DPF3: variants seen among roughly 807,000 people sequenced by gnomAD.
The protein encoded by DPF3 is zinc finger protein DPF3.
DPF3 carries 18 observed loss-of-function variants against 56.8 expected under a neutral mutation model. That is an observed-to-expected ratio of 0.32 (90% CI 0.22 to 0.47). DPF3 has a LOEUF of 0.47. Ranked by LOEUF, DPF3 falls within the 20% of genes least tolerant of loss-of-function variation. The probability of loss-of-function intolerance (pLI) is 1.00; values close to 1 mark genes in which losing one functional copy is unlikely to be tolerated. For synonymous variants in DPF3, 188 were observed against 180.2 expected (o/e 1.04, Z -0.35); for missense variants, 403 against 488.8 (o/e 0.82, Z 1.65).
chr14:72,779,852 C>T (rs1219451884), intron 1 of DPF3, among the ~76,000 whole-genome samples: 2 of 152,208 alleles, frequency 1.3e-5, no homozygotes, highest in African/African-American at 2.4e-5. Context: ...TTGAGGCTGT[C>T]GGGGACCCAC....
At chr14:72,623,514 T>C (rs539387766) in intron 9 of DPF3, among the ~76,000 whole-genome samples, 1 of 152,312 alleles carries the variant, frequency 6.6e-6, no homozygotes, top group South Asian at 2.1e-4. Context: ...TGTTCAGCAA[T>C]TATATTATTG....
intron 9 of DPF3, among the ~76,000 whole-genome samples, chr14:72,628,215 G>GT (rs1884949224): frequency 6.6e-6 from 1 of 152,002 alleles, no homozygotes; most frequent in Non-Finnish European, 1.5e-5. Context: ...TGTGCCTAGT[G>GT]TTTTCCTCAT....
At chr14:72,698,063 T>C (rs990368226) in intron 6 of DPF3, among the ~76,000 whole-genome samples, 13 of 152,234 alleles carry the variant, frequency 8.5e-5, no homozygotes, top group Non-Finnish European at 1.5e-4. Context: ...GGTCTAATCA[T>C]CCCTCTGATC....
chr14:72,666,328 T>C (rs966150177), intron 8 of DPF3, among the ~76,000 whole-genome samples: 6 of 152,210 alleles, frequency 3.9e-5, no homozygotes, highest in Admixed American at 3.9e-4. Context: ...ATAGTTTCAT[T>C]TGGGGTTTCT....
chr14:72,827,426 G>A (rs1883855965), intron 1 of DPF3, among the ~76,000 whole-genome samples: 1 of 150,284 alleles, frequency 6.7e-6, no homozygotes, highest in Admixed American at 6.6e-5. Flanking sequence ...CAATATTCTG[G>A]CCACCTGGGT....
At chr14:72,636,400 A>G (rs1036851686) in intron 8 of DPF3, among the ~76,000 whole-genome samples, 1 of 152,182 alleles carries the variant, frequency 6.6e-6, no homozygotes, top group Non-Finnish European at 1.5e-5. Context: ...CATCTCATTC[A>G]ATCAGATCCA....
chr14:72,652,433 G>T (rs1007291972), intron 8 of DPF3, among the ~76,000 whole-genome samples: 1 of 152,214 alleles, frequency 6.6e-6, no homozygotes, highest in South Asian at 2.1e-4. Flanking sequence ...GCTGTGATTA[G>T]CACAGCAGAG....
chr14:72,883,938 AAAAAG>A (rs1886416970), intron 1 of DPF3, among the ~76,000 whole-genome samples: 4 of 149,554 alleles, frequency 2.7e-5, no homozygotes, highest in South Asian at 2.1e-4. Context: ...AAAAAAAAAA[AAAAAG>A]AAAAAGAAAA....
rs544262607 is a variant in DPF3, at chr14:72,617,827, T to C, written c.*1470A>G. On this transcript the variant is annotated 3_prime_UTR_variant, in exon 11 of 11. Transcript: ENST00000556509. ...AACTAAAAATAACCTGGGCCTTTGTTGTGAGCAGCCAGACCACAGAGATGG... is the reference window on the plus strand; with the variant it reads ...AACTAAAAATAACCTGGGCCTTTGTCGTGAGCAGCCAGACCACAGAGATGG... Among the ~76,000 whole-genome samples, 5 of 152,270 alleles carry C rather than the reference T, an allele frequency of 3.3e-5. No individual in the cohort carries two copies. The East Asian group carries it at 9.7e-4, about 29-fold the overall frequency.
chr14:72,799,265 C>T (rs1192696094), intron 1 of DPF3, among the ~76,000 whole-genome samples: 2 of 152,292 alleles, frequency 1.3e-5, no homozygotes, highest in Non-Finnish European at 1.5e-5. Context: ...AGTAACAATA[C>T]CTCCATTTTC....
At chr14:72,826,639 A>G (rs1038117985) in intron 1 of DPF3, among the ~76,000 whole-genome samples, 2 of 152,346 alleles carry the variant, frequency 1.3e-5, no homozygotes, top group East Asian at 3.9e-4. Context: ...GCAAACATTC[A>G]TGAACACCTA....
intron 1 of DPF3, among the ~76,000 whole-genome samples, chr14:72,828,328 G>A (rs1883903316): frequency 1.3e-5 from 2 of 152,096 alleles, no homozygotes; most frequent in Admixed American, 6.5e-5. Flanking sequence ...CGTGGTCCCT[G>A]TCTCCAGGGT....
intron 8 of DPF3, among the ~76,000 whole-genome samples, chr14:72,660,472 G>C (rs772327929): frequency 3.7e-4 from 57 of 152,138 alleles, no homozygotes; most frequent in Non-Finnish European, 6.9e-4. Flanking sequence ...TGACCTAGAG[G>C]ACCCCTCAGA....
Position 72,618,153 on chromosome 14 carries a change from C to A in DPF3, c.*1144G>T, listed in dbSNP as rs1884205161. ...AGTTCTAAAATGTGGCCACCCTGGT[C>A]GTGAATAATGACCATGTCACCCTAA... On this transcript the variant is annotated 3_prime_UTR_variant, in exon 11 of 11. Transcript: ENST00000556509. Among the ~76,000 whole-genome samples the A allele has an allele frequency of 6.6e-6, 1 of 152,084 alleles. No individual in the cohort carries two copies. Among genetic ancestry groups the A allele is most frequent in the African/African-American group, 2.4e-5 (1 of 41,416 alleles).
chr14:72,802,360 C>A (rs1046374064), intron 1 of DPF3, among the ~76,000 whole-genome samples: 1 of 152,200 alleles, frequency 6.6e-6, no homozygotes, highest in Non-Finnish European at 1.5e-5. Context: ...GTTTTGGGCT[C>A]CAGTTTGCTC....
Position 72,892,962 on chromosome 14 carries a change from AGGAAG to A in DPF3, c.32+1090_32+1094del, listed in dbSNP as rs1379720031. ...CTGACTGGAAGGAAGGAAGGAAGGA[AGGAAG>A]GAAGGAAGGAAGGAAGGAAGGAAGG... On this transcript the variant is annotated intron_variant, in intron 1 of 10. Coordinates refer to ENST00000556509, the MANE Select transcript of DPF3 (RefSeq NM_001280542.3). Among the ~76,000 whole-genome samples the A allele has an allele frequency of 2.4e-3, 130 of 54,038 alleles. 5 individuals are homozygous for A. The highest frequency in any genetic ancestry group is 0.012 in the African/African-American group (118 of 9,806). The allele number at this position is 54,038 out of a possible 152,430, so 35.5% of individuals were successfully genotyped here.
chr14:72,817,829 C>A (rs1447890370), intron 1 of DPF3, among the ~76,000 whole-genome samples: 1 of 152,208 alleles, frequency 6.6e-6, no homozygotes, highest in African/African-American at 2.4e-5. Flanking sequence ...TAATAGTTAA[C>A]ATTTACCTAT....
intron 3 of DPF3, among the ~76,000 whole-genome samples, chr14:72,736,059 T>C (rs1035872846): frequency 6.6e-6 from 1 of 152,244 alleles, no homozygotes; most frequent in Non-Finnish European, 1.5e-5. Flanking sequence ...ATGGTACAGC[T>C]GCACTGTCCA....
intron 1 of DPF3, among the ~76,000 whole-genome samples, chr14:72,891,500 T>C (rs1366554742): frequency 6.6e-6 from 1 of 152,204 alleles, no homozygotes; most frequent in Non-Finnish European, 1.5e-5. Flanking sequence ...TCTCTGCACT[T>C]TGTTCTAATT....
Sources: allele counts gnomAD v4.1 joint callset (sites outside exome capture counted in the v4.1 genomes callset), GRCh38; gene constraint gnomAD v4.1.1; transcripts MANE v1.5; gene names NCBI Gene and HGNC (gene_info 2026-07-23, HGNC 2026-07-21).